Variants in ARHGEF33 observed in about 807,000 individuals in gnomAD.
ARHGEF33 encodes the protein Rho guanine nucleotide exchange factor 33, also known as DH and coiled-coil domain-containing protein ENSP00000381780.
A neutral mutation model predicts 101.9 loss-of-function variants in ARHGEF33; 72 were observed. That is an observed-to-expected ratio of 0.71 (90% CI 0.58 to 0.86). The LOEUF (loss-of-function observed/expected upper bound fraction) is 0.86, where lower values mean the gene tolerates loss of function less well. Among genes scored for constraint, ARHGEF33 ranks in the 40% least tolerant of loss-of-function variants. ARHGEF33 has a pLI of 0.00. For synonymous variants in ARHGEF33, 499 were observed against 442.5 expected (o/e 1.13, Z -1.60); for missense variants, 1,169 against 1,111.3 (o/e 1.05, Z -0.74).
intron 17 of ARHGEF33, among the ~76,000 whole-genome samples, chr2:38,970,083 G>T (rs1268280854): frequency 1.3e-5 from 2 of 152,140 alleles, no homozygotes; most frequent in African/African-American, 4.8e-5. Context: ...CTTAAATTTT[G>T]GGATAGTGGA....
Position 38,897,684 on chromosome 2 carries a change from A to T in ARHGEF33, c.-86+1835A>T, listed in dbSNP as rs570044382. On this transcript the variant is annotated intron_variant, in intron 2 of 17. Transcript: ENST00000409978. ...GAACTTGTAGAAGTGAGACTTTTAAATTTATAGTTTGATAGAAATACTATA... is the reference window on the plus strand; with the variant it reads ...GAACTTGTAGAAGTGAGACTTTTAATTTTATAGTTTGATAGAAATACTATA... 4.6e-5 allele frequency among the ~76,000 whole-genome samples: 7 copies of T among 152,354 alleles called. No individual in the cohort carries two copies. The East Asian group carries it at 1.3e-3, about 29-fold the overall frequency.
chr2:38,959,795 A>C lies in ARHGEF33; in HGVS notation c.1536-46A>C, dbSNP rs929497384. On this transcript the variant is annotated intron_variant, in intron 15 of 17. Transcript: ENST00000409978. ...GCCGGCAGGCGAGAGGCCTGCACTA[A>C]CCGGCCGTAAGCACAGCTCTTTTGT... 2.0e-6 allele frequency: 3 copies of C among 1,483,142 alleles called. No individual in the cohort carries two copies. The African/African-American group carries it at 4.2e-5, about 21-fold the overall frequency. 91.9% of individuals were successfully genotyped at this position (1,483,142 alleles called of 1,614,324 possible). A position where few individuals can be genotyped will look rare whatever the true frequency, so the allele number is the denominator to read the frequency against.
At chr2:38,953,800 T>C (rs1286193777) in intron 12 of ARHGEF33, among the ~76,000 whole-genome samples, 1 of 152,194 alleles carries the variant, frequency 6.6e-6, no homozygotes, top group Non-Finnish European at 1.5e-5. Flanking sequence ...AGGCTCTGTC[T>C]TACTAAGTTT....
At chr2:38,944,436 C>T (rs563529054) in intron 10 of ARHGEF33, among the ~76,000 whole-genome samples, 1 of 152,264 alleles carries the variant, frequency 6.6e-6, no homozygotes, top group African/African-American at 2.4e-5. Context: ...ATAATCCATT[C>T]ATAGTGCGGA....
intron 8 of ARHGEF33, 52 bp from the exon 9 acceptor site, chr2:38,937,283 G>T: frequency 2.3e-6 from 2 of 869,644 alleles, no homozygotes; most frequent in East Asian, 2.7e-5. Flanking sequence ...TTTTTAAAAA[G>T]ATTTTGATAG....
At chr2:38,900,854 G>C (rs530217871) in intron 2 of ARHGEF33, among the ~76,000 whole-genome samples, 5 of 152,326 alleles carry the variant, frequency 3.3e-5, no homozygotes, top group South Asian at 2.1e-4. Context: ...ACACTTGAAT[G>C]AAGACAGGGT....
intron 4 of ARHGEF33, among the ~76,000 whole-genome samples, chr2:38,926,160 G>C (rs1379089292): frequency 6.6e-6 from 1 of 152,182 alleles, no homozygotes; most frequent in Non-Finnish European, 1.5e-5. Context: ...TACCTCCAGT[G>C]GGAGCCCGCC....
chr2:38,940,997 A>C (rs984728916), intron 9 of ARHGEF33, among the ~76,000 whole-genome samples: 8 of 152,158 alleles, frequency 5.3e-5, no homozygotes, highest in African/African-American at 1.9e-4. Flanking sequence ...GTCTGGAAAA[A>C]TGTCTCAAAA....
rs547853913 is a variant in ARHGEF33 at position 38,908,838 on chromosome 2, T to C, written c.-85-10525T>C. On this transcript the variant is annotated intron_variant, in intron 2 of 17. Coordinates refer to ENST00000409978, the MANE Select transcript of ARHGEF33 (RefSeq NM_001145451.5). The stretch of plus-strand genomic sequence containing the variant: ...GAACAAGGGGATATATTTCTGCCAG[T>C]GGAACTTTGCTTGTTAAAATAAAAT... Among the ~76,000 whole-genome samples the C allele has an allele frequency of 1.2e-4, 18 of 152,328 alleles. 1 individual carries two copies. Among genetic ancestry groups the C allele is most frequent in the African/African-American group, 3.6e-4 (15 of 41,582 alleles).
intron 9 of ARHGEF33, among the ~76,000 whole-genome samples, chr2:38,942,988 C>T (rs1445687720): frequency 2.0e-5 from 3 of 152,152 alleles, no homozygotes; most frequent in Non-Finnish European, 4.4e-5. Context: ...AGTGCAAGGG[C>T]GTCATCTCAG....
intron 8 of ARHGEF33, 29 bp downstream of exon 8, chr2:38,935,863 T>C (rs1158995343): frequency 1.3e-6 from 2 of 1,515,538 alleles, no homozygotes; most frequent in East Asian, 2.5e-5. Context: ...AGTTTTCTTT[T>C]CTTCCAGCAA....
intron 2 of ARHGEF33, among the ~76,000 whole-genome samples, chr2:38,905,926 G>C (rs7605183): frequency 0.026 from 3,894 of 152,250 alleles, 176 homozygotes; most frequent in African/African-American, 0.086. Flanking sequence ...AGGTTGTTCA[G>C]TGTCTTTCCT....
At chr2:38,952,626 A>G (rs541478076) in intron 11 of ARHGEF33, among the ~76,000 whole-genome samples, 1 of 152,128 alleles carries the variant, frequency 6.6e-6, no homozygotes, top group African/African-American at 2.4e-5. Flanking sequence ...ACTTTCTCTC[A>G]TTAGGGAGGG....
Position 38,929,019 on chromosome 2 carries a change from G to A in ARHGEF33, c.188G>A (p.Cys63Tyr). Residue 63 changes from cysteine (C) to tyrosine (Y), a missense_variant, in exon 5 of 18, where the codon TGT (cysteine) becomes TAT (tyrosine). Transcript: ENST00000409978. ...ALEEKVKSCRCSMEEKVTEMK... is the reference protein window; with the variant it reads ...ALEEKVKSCRYSMEEKVTEMK... The stretch of plus-strand genomic sequence containing the variant: ...GAAGAAAAGGTTAAGAGCTGCAGAT[G>A]TTCCATGGAAGAAAAAGTTACTGAG... 1 of 1,551,004 alleles carries A rather than the reference G, an allele frequency of 6.4e-7. No homozygotes were observed.
intron 2 of ARHGEF33, among the ~76,000 whole-genome samples, chr2:38,907,803 A>G (rs953293731): frequency 6.6e-6 from 1 of 151,318 alleles, no homozygotes; most frequent in African/African-American, 2.4e-5. Flanking sequence ...TGTCTTTTTA[A>G]GTAGATATTT....
intron 10 of ARHGEF33, among the ~76,000 whole-genome samples, chr2:38,949,937 A>G (rs781214999): frequency 3.9e-5 from 6 of 152,324 alleles, no homozygotes; most frequent in South Asian, 2.1e-4. Context: ...CTCACTCACC[A>G]TCACTATCAC....
At chr2:38,931,899 T>C (rs1355836231) in intron 7 of ARHGEF33, among the ~76,000 whole-genome samples, 1 of 152,204 alleles carries the variant, frequency 6.6e-6, no homozygotes, top group African/African-American at 2.4e-5. Context: ...TTCCTCTTAT[T>C]TATGGTCTCA....
intron 6 of ARHGEF33, 113 bp from the exon 7 acceptor site, chr2:38,930,996 A>G (rs1352048526): frequency 7.7e-6 from 6 of 781,046 alleles, no homozygotes; most frequent in Non-Finnish European, 1.1e-5. Context: ...AGCAATTTAT[A>G]TAGTTCAACC....
rs141703594 is a variant in ARHGEF33 at position 38,973,932 on chromosome 2, C to CTATA, written c.*103_*106dup. ...TAGGAATATATATATATATCTATAT[C>CTATA]TATATATATATATATATCGATGTAT... On this transcript the variant is annotated 3_prime_UTR_variant, in exon 18 of 18. Coordinates refer to ENST00000409978, the MANE Select transcript of ARHGEF33 (RefSeq NM_001145451.5). The CTATA allele has an allele frequency of 5.7e-5, 36 of 635,932 alleles. No individual in the cohort carries two copies. The highest frequency in any genetic ancestry group is 1.5e-4 in the South Asian group (2 of 13,758). The allele number at this position is 635,932 out of a possible 1,614,324, so 39.4% of individuals were successfully genotyped here.
Sources: gnomAD v4.1 joint callset for allele counts (sites outside exome capture counted in the v4.1 genomes callset) on GRCh38, gnomAD v4.1.1 for gene constraint, MANE v1.5 for transcripts, NCBI Gene and HGNC (gene_info 2026-07-23, HGNC 2026-07-21) for gene names.